SFMBT2: variants seen among roughly 807,000 people sequenced by gnomAD.
SFMBT2 encodes Scm like with four mbt domains 2.
Under a neutral mutation model 110.1 loss-of-function variants are expected in SFMBT2, and 38 were observed. The ratio of observed to expected loss-of-function variants is 0.35; its 90% CI spans 0.27 to 0.45. The LOEUF is 0.45. Among genes scored for constraint, SFMBT2 ranks in the 20% least tolerant of loss-of-function variants. SFMBT2 has a pLI of 1.00. For missense variants in SFMBT2, 1,011 were observed against 1,094.9 expected, an observed-to-expected ratio of 0.92 and a Z score of 1.08; for synonymous variants, 425 against 425.4, an observed-to-expected ratio of 1.00 and a Z score of 0.01.
intron 10 of SFMBT2, among the ~76,000 whole-genome samples, chr10:7,221,104 G>C (rs1839719056): frequency 6.6e-6 from 1 of 151,154 alleles, no homozygotes; most frequent in South Asian, 2.1e-4. Flanking sequence ...GGGATTACAG[G>C]TGTGAGCCAC....
At chr10:7,205,020 CT>C in intron 12 of SFMBT2, 1 of 674,106 alleles carries the variant, frequency 1.5e-6, no homozygotes, top group Non-Finnish European at 1.8e-6. Context: ...TGGTAATATA[CT>C]TTATAAAGTA....
intron 4 of SFMBT2, among the ~76,000 whole-genome samples, chr10:7,351,572 T>C (rs920466544): frequency 6.6e-6 from 1 of 152,190 alleles, no homozygotes; most frequent in African/African-American, 2.4e-5. Flanking sequence ...AAAATGTGTA[T>C]TTCTGAAAAC....
chr10:7,183,545 C>T (rs1377098415), intron 16 of SFMBT2, among the ~76,000 whole-genome samples: 4 of 152,148 alleles, frequency 2.6e-5, no homozygotes, highest in Non-Finnish European at 5.9e-5. Flanking sequence ...GTTGGAGCTC[C>T]CATTATCTGC....
chr10:7,360,297 C>A (rs1827116456), intron 4 of SFMBT2, among the ~76,000 whole-genome samples: 1 of 152,114 alleles, frequency 6.6e-6, no homozygotes, highest in African/African-American at 2.4e-5. Flanking sequence ...GGAAGACCCC[C>A]ATCTCTACGA....
chr10:7,342,639 C>T (rs1157124696), intron 4 of SFMBT2, among the ~76,000 whole-genome samples: 1 of 151,908 alleles, frequency 6.6e-6, no homozygotes, highest in Non-Finnish European at 1.5e-5. Context: ...CTTTGTGATC[C>T]GCCCGCCTCT....
At chr10:7,350,426 G>A (rs903859639) in intron 4 of SFMBT2, among the ~76,000 whole-genome samples, 14 of 152,210 alleles carry the variant, frequency 9.2e-5, no homozygotes, top group African/African-American at 2.6e-4. Context: ...CCACTCTTCC[G>A]GGCCAGCCTT....
chr10:7,270,341 A>G (rs1402620955), intron 7 of SFMBT2, among the ~76,000 whole-genome samples: 1 of 152,212 alleles, frequency 6.6e-6, no homozygotes, highest in Non-Finnish European at 1.5e-5. Context: ...TAGTCTCCAG[A>G]AGCATGAGAG....
chr10:7,212,858 A>C (rs1588344444), intron 11 of SFMBT2, among the ~76,000 whole-genome samples: 1 of 152,344 alleles, frequency 6.6e-6, no homozygotes, highest in Non-Finnish European at 1.5e-5. Flanking sequence ...AGACGGGATA[A>C]AGAAACTGTG....
At chr10:7,324,290 T>C (rs1270768558) in intron 4 of SFMBT2, among the ~76,000 whole-genome samples, 4 of 152,148 alleles carry the variant, frequency 2.6e-5, no homozygotes, top group Admixed American at 2.6e-4. Flanking sequence ...GAAACCCTTC[T>C]CTCCACCGCA....
At position 7,163,990 on chromosome 10, in the gene SFMBT2, G is replaced by A. The variant is rs911552337; in HGVS notation, c.2545-80C>T. On this transcript the variant is annotated intron_variant, in intron 20 of 20. Transcript: ENST00000397167. This position sits in a 1 kb window ranked among gnomAD's most constrained non-coding sequence, Gnocchi z 4.8. ...GATGCGTCACAGCAGGCTCCAGTCC[G>A]GGGCCAAACATGACAACAGGATGCT... is the stretch of plus-strand genomic sequence containing the variant. 58 of 1,498,784 alleles carry A rather than the reference G, an allele frequency of 3.9e-5. No individual in the cohort carries two copies. Among genetic ancestry groups the A allele is most frequent in the South Asian group, 6.8e-5 (5 of 73,444 alleles). 92.8% of individuals were successfully genotyped at this position (1,498,784 alleles called of 1,614,324 possible).
chr10:7,370,416 G>C (rs769993045), intron 2 of SFMBT2, 41 bp from the exon 3 acceptor site: 2 of 1,541,340 alleles, frequency 1.3e-6, no homozygotes, highest in Admixed American at 3.3e-5. Context: ...TACTGGAGTG[G>C]AGGACAGAAA....
intron 4 of SFMBT2, among the ~76,000 whole-genome samples, chr10:7,366,130 G>C (rs1356266265): frequency 6.6e-6 from 1 of 152,178 alleles, no homozygotes; most frequent in African/African-American, 2.4e-5. Flanking sequence ...CTGACAGCTG[G>C]AGCAGGAGGA....
intron 1 of SFMBT2, among the ~76,000 whole-genome samples, chr10:7,406,787 T>C (rs1021932923): frequency 1.3e-5 from 2 of 152,174 alleles, no homozygotes; most frequent in Admixed American, 6.5e-5. Flanking sequence ...TGTATCCCAA[T>C]GGGAAATGGG....
intron 4 of SFMBT2, among the ~76,000 whole-genome samples, chr10:7,340,655 C>CAA (rs776262305): frequency 0.2 from 17,671 of 86,474 alleles, 1,859 homozygotes; most frequent in East Asian, 0.33. Context: ...GAACCTATCT[C>CAA]AAAAAAAAAA....
At chr10:7,379,773 T>C (rs1257515509) in intron 2 of SFMBT2, among the ~76,000 whole-genome samples, 1 of 152,154 alleles carries the variant, frequency 6.6e-6, no homozygotes, top group Non-Finnish European at 1.5e-5. Flanking sequence ...AAGGAACCAA[T>C]CACAACATGA....
intron 4 of SFMBT2, among the ~76,000 whole-genome samples, chr10:7,344,866 A>T (rs927667655): frequency 2.0e-5 from 3 of 150,646 alleles, no homozygotes; most frequent in Non-Finnish European, 4.4e-5. Context: ...GGCTGAGGCA[A>T]GAGAATGGTG....
At chr10:7,303,169 T>C (rs1297741732) in intron 4 of SFMBT2, among the ~76,000 whole-genome samples, 1 of 152,252 alleles carries the variant, frequency 6.6e-6, no homozygotes, top group African/African-American at 2.4e-5. Flanking sequence ...ACAAATTCCC[T>C]GAATTCTTCT....
intron 4 of SFMBT2, among the ~76,000 whole-genome samples, chr10:7,312,484 T>TA (rs1464622003): frequency 1.3e-5 from 2 of 151,960 alleles, no homozygotes; most frequent in African/African-American, 4.8e-5. Flanking sequence ...AAATACAGAA[T>TA]AAAATAGAGG....
chr10:7,253,936 A>T (rs1366565998), intron 7 of SFMBT2, among the ~76,000 whole-genome samples: 1 of 152,170 alleles, frequency 6.6e-6, no homozygotes, highest in Non-Finnish European at 1.5e-5. Context: ...CAAAACAATT[A>T]AGAGTTTGGC....
Sources: gnomAD v4.1 joint callset for allele counts (sites outside exome capture counted in the v4.1 genomes callset) on GRCh38, gnomAD v4.1.1 for gene constraint, Gnocchi (gnomAD v3.1) non-coding constraint, MANE v1.5 for transcripts, NCBI Gene and HGNC (gene_info 2026-07-23, HGNC 2026-07-21) for gene names.